The following ADAP1 variants were observed in gnomAD, a reference collection of about 807,000 sequenced individuals.
ADAP1 encodes the protein arf-GAP with dual PH domain-containing protein 1.
In ADAP1, 31 loss-of-function variants were observed where a neutral mutation model predicts 54.9. The ratio of observed to expected loss-of-function variants is 0.56; its 90% CI spans 0.42 to 0.76. ADAP1 has a LOEUF of 0.76. ADAP1 is among the 30% of genes least tolerant of loss of function. The pLI, the probability that ADAP1 is intolerant of heterozygous loss-of-function variation, is 0.00. For synonymous variants in ADAP1, 313 were observed against 202.6 expected (o/e 1.55, Z -4.63); for missense variants, 535 against 512.4 (o/e 1.04, Z -0.42).
rs1165431319 is a variant in ADAP1 at position 906,668 on chromosome 7, G to A, written c.389-1496C>T. On this transcript the variant is annotated intron_variant, in intron 4 of 10. Transcript: ENST00000265846. ...GGAAAGGAGAAAGGGGGCGGGAAAG[G>A]GGACATGGACAGGGGACACGGGGGA... Among the ~76,000 whole-genome samples, 38 of 102,798 alleles carry A rather than the reference G, an allele frequency of 3.7e-4. 3 individuals carry two copies. The highest frequency in any genetic ancestry group is 3.2e-4 in the Non-Finnish European group (17 of 53,866). The allele number at this position is 102,798 out of a possible 152,430, so 67.4% of individuals were successfully genotyped here. A position where few individuals can be genotyped will look rare whatever the true frequency, so the allele number is the denominator to read the frequency against.
intron 4 of ADAP1, among the ~76,000 whole-genome samples, chr7:915,364 G>A (rs994843678): frequency 4.0e-4 from 61 of 152,332 alleles, no homozygotes; most frequent in Admixed American, 9.1e-4. Context: ...AGAACAGAGG[G>A]CACAGCCCAT....
In ADAP1 at chr7:920,884, A is replaced by AATT; in HGVS notation, c.306-837_306-835dup. 2 of 1,549,818 alleles carry AATT rather than the reference A, an allele frequency of 1.3e-6. No individual in the cohort carries two copies. The highest frequency in any genetic ancestry group is 1.7e-6 in the Non-Finnish European group (2 of 1,146,704). On this transcript the variant is annotated intron_variant, in intron 3 of 10. Coordinates refer to ENST00000265846, the MANE Select transcript of ADAP1 (RefSeq NM_006869.4). This position sits in a 1 kb window ranked among gnomAD's most constrained non-coding sequence, Gnocchi z 4.5. ...GCCCCAGCCTTTTCCACTCCCAGGG[A>AATT]ATTACGCGGCAAAGAACAAATAGGA... is the stretch of plus-strand genomic sequence containing the variant.
rs879713601 is a variant in ADAP1 at position 946,684 on chromosome 7, C to T, written c.82+7712G>A. On this transcript the variant is annotated intron_variant, in intron 1 of 10. Coordinates refer to ENST00000265846, the MANE Select transcript of ADAP1 (RefSeq NM_006869.4). This position sits in a 1 kb window ranked among gnomAD's most constrained non-coding sequence, Gnocchi z 4.3. ...AGCCCACTCTCTGGGGCCCCCACCC[C>T]GCGCCCCTCCAGGCTCTTCAGGGCC... 3.3e-5 allele frequency among the ~76,000 whole-genome samples: 5 copies of T among 152,204 alleles called. No homozygotes were observed. Among genetic ancestry groups the T allele is most frequent in the African/African-American group, 9.6e-5 (4 of 41,454 alleles).
chr7:904,492 T>G (rs1844994037), intron 5 of ADAP1, among the ~76,000 whole-genome samples: 1 of 152,056 alleles, frequency 6.6e-6, no homozygotes, highest in Non-Finnish European at 1.5e-5. Context: ...ACTGTGCAGG[T>G]GGCACTTGAC....
chr7:928,254 C>T (rs1322523890), intron 2 of ADAP1, among the ~76,000 whole-genome samples: 2 of 152,102 alleles, frequency 1.3e-5, no homozygotes, highest in Admixed American at 1.3e-4. Flanking sequence ...GTAATCCCAG[C>T]ACTTTGGGAG....
At chr7:935,335 C>T in intron 2 of ADAP1, 40 bp downstream of exon 2, 2 of 1,543,930 alleles carry the variant, frequency 1.3e-6, no homozygotes, top group Non-Finnish European at 8.7e-7. Flanking sequence ...TGAGGCCACC[C>T]GGGGACTGCG....
At chr7:917,999 G>C (rs534285445) in intron 4 of ADAP1, among the ~76,000 whole-genome samples, 1 of 152,242 alleles carries the variant, frequency 6.6e-6, no homozygotes, top group Non-Finnish European at 1.5e-5. Context: ...ACGTTGCTCA[G>C]GCTGGTCTTG....
intron 5 of ADAP1, 23 bp downstream of exon 5, chr7:905,037 C>A (rs373432696): frequency 6.3e-7 from 1 of 1,597,922 alleles, no homozygotes; most frequent in Non-Finnish European, 8.5e-7. Flanking sequence ...CAGGCCCCCA[C>A]CCCACCCCCG....
Position 899,485 on chromosome 7 carries a change from C to T in ADAP1, c.801G>A (p.Thr267=), listed in dbSNP as rs117710032. The T allele has an allele frequency of 3.0e-3, 4,895 of 1,612,846 alleles. 14 individuals are homozygous for T. The highest frequency in any genetic ancestry group is 4.5e-3 in the Middle Eastern group (27 of 6,062). Reference sequence around the variant, plus strand: ...TGAACCAGCGCTTCCGGAAGCCTTCCGTTTGCTGTGGGTCAGAGAGGGCCC... The same window carrying T: ...TGAACCAGCGCTTCCGGAAGCCTTCTGTTTGCTGTGGGTCAGAGAGGGCCC... ...GYMEKTGPKQ[T]EGFRKRWFTM... is the part of the protein sequence containing the mutation. The change falls in exon 9 of 11, where the codon ACG becomes ACA. Residue 267 remains threonine (T), a synonymous_variant. Coordinates refer to ENST00000265846, the MANE Select transcript of ADAP1 (RefSeq NM_006869.4).
Position 900,262 on chromosome 7 carries a change from C to G in ADAP1, c.733-98G>C. The G allele has an allele frequency of 2.1e-6, 3 of 1,459,260 alleles. No individual in the cohort carries two copies. The South Asian group carries it at 3.5e-5, about 17-fold the overall frequency. 90.4% of individuals were successfully genotyped at this position (1,459,260 alleles called of 1,614,324 possible). ...TCTGTGCTCCCCTCACCCCGGGCCA[C>G]CAGGTCAGGGCCCAGGCCTGGCTTA... On this transcript the variant is annotated intron_variant, in intron 7 of 10. Coordinates refer to ENST00000265846, the MANE Select transcript of ADAP1 (RefSeq NM_006869.4).
chr7:948,851 C>T (rs2128112660), intron 1 of ADAP1, among the ~76,000 whole-genome samples: 1 of 152,296 alleles, frequency 6.6e-6, no homozygotes, highest in Non-Finnish European at 1.5e-5. Flanking sequence ...CGTGCGCCAC[C>T]ACACCCAACT....
intron 6 of ADAP1, among the ~76,000 whole-genome samples, chr7:901,620 C>T (rs1844818763): frequency 1.3e-5 from 2 of 151,948 alleles, no homozygotes. Flanking sequence ...CTTCCAGTGG[C>T]CCCACCCAGC....
chr7:900,070 G>A (rs768625106), intron 8 of ADAP1, 32 bp downstream of exon 8: 2 of 1,611,840 alleles, frequency 1.2e-6, no homozygotes, highest in South Asian at 2.2e-5. Flanking sequence ...CGTACCCCAG[G>A]CCACCCCAGG....
intron 2 of ADAP1, 82 bp downstream of exon 2, chr7:935,293 C>G (rs914802982): frequency 9.3e-6 from 14 of 1,505,184 alleles, no homozygotes; most frequent in South Asian, 2.5e-5. Flanking sequence ...ACAGCCAGGC[C>G]GCCCGGCATC....
Position 903,452 on chromosome 7 carries a change from TTC to T in ADAP1, c.648+672_648+673del, listed in dbSNP as rs1394126891. Among the ~76,000 whole-genome samples, 70 of 152,294 alleles carry T rather than the reference TTC, an allele frequency of 4.6e-4. 3 individuals carry two copies. Among genetic ancestry groups the T allele is most frequent in the Admixed American group, 4.6e-3 (70 of 15,298 alleles). ...ACGGGGGTTAGGAGGGACCTCAAACTTCTGTTTCTCAAGATTTAGGAACGATA... is the reference window on the plus strand; with the variant it reads ...ACGGGGGTTAGGAGGGACCTCAAACTTGTTTCTCAAGATTTAGGAACGATA... On this transcript the variant is annotated intron_variant, in intron 6 of 10. Coordinates refer to ENST00000265846, the MANE Select transcript of ADAP1 (RefSeq NM_006869.4).
intron 4 of ADAP1, among the ~76,000 whole-genome samples, chr7:907,921 G>A (rs994550635): frequency 4.6e-5 from 7 of 151,200 alleles, no homozygotes; most frequent in East Asian, 1.9e-4. Context: ...GCCGTCTGCC[G>A]AGCATCCGTG....
Position 938,418 on chromosome 7 carries a change from G to C in ADAP1, c.83-2913C>G, listed in dbSNP as rs1409807995. On this transcript the variant is annotated intron_variant, in intron 1 of 10. Transcript: ENST00000265846. This position sits in a 1 kb window ranked among gnomAD's most constrained non-coding sequence, Gnocchi z 4.4. The stretch of plus-strand genomic sequence containing the variant: ...CTTGGGCTTGAACTCCTGGGCTCAA[G>C]CGATCCTCCTGTCTTGGCCTCCTAA... 6.6e-6 allele frequency among the ~76,000 whole-genome samples: 1 copy of C among 152,178 alleles called. No individual in the cohort carries two copies. The highest frequency in any genetic ancestry group is 2.4e-5 in the African/African-American group (1 of 41,434).
At chr7:901,236 T>C (rs1844796750) in intron 6 of ADAP1, 2 of 355,498 alleles carry the variant, frequency 5.6e-6, no homozygotes, top group Admixed American at 7.6e-5. Flanking sequence ...CCTCTGGGTC[T>C]AGACTTCAGC....
intron 2 of ADAP1, 59 bp downstream of exon 2, chr7:935,316 G>T: frequency 6.5e-7 from 1 of 1,532,054 alleles, no homozygotes; most frequent in Non-Finnish European, 8.8e-7. Context: ...TGGCTCCAGA[G>T]GCCCGGGCTG....
Sources: allele counts gnomAD v4.1 joint callset (sites outside exome capture counted in the v4.1 genomes callset), GRCh38; gene constraint gnomAD v4.1.1; non-coding constraint Gnocchi (gnomAD v3.1); transcripts MANE v1.5; gene names NCBI Gene and HGNC (gene_info 2026-07-23, HGNC 2026-07-21).